CNDP1: variants seen among roughly 807,000 people sequenced by gnomAD.
The protein encoded by CNDP1 is carnosine dipeptidase 1.
Under a neutral mutation model 58.1 loss-of-function variants are expected in CNDP1, and 44 were observed. That is an observed-to-expected ratio of 0.76 (90% CI 0.60 to 0.97). The LOEUF (loss-of-function observed/expected upper bound fraction) is 0.97, where lower values mean the gene tolerates loss of function less well. CNDP1 is among the 50% of genes least tolerant of loss of function. The pLI is 0.00. For missense variants in CNDP1, 616 were observed against 655.1 expected, an observed-to-expected ratio of 0.94 and a Z score of 0.65; for synonymous variants, 254 against 252.6, an observed-to-expected ratio of 1.01 and a Z score of -0.05.
Position 74,534,647 on chromosome 18 carries a change from A to G in CNDP1, c.-21A>G. The G allele has an allele frequency of 6.2e-7, 1 of 1,614,124 alleles. No homozygotes were observed. The highest frequency in any genetic ancestry group is 8.5e-7 in the Non-Finnish European group (1 of 1,179,980). On this transcript the variant is annotated 5_prime_UTR_variant, in exon 1 of 12. Coordinates refer to ENST00000358821, the MANE Select transcript of CNDP1 (RefSeq NM_032649.6). ...TTTTGGAGGTTGGGAAAGTTGCTAG[A>G]GGCTTCAGAACTCCAGCCTAATGGA...
chr18:74,570,647 C>T (rs558599533), intron 6 of CNDP1, among the ~76,000 whole-genome samples: 1 of 152,138 alleles, frequency 6.6e-6, no homozygotes, highest in Non-Finnish European at 1.5e-5. Context: ...GTCAAGGGTG[C>T]CATATACATA....
At chr18:74,542,164 A>T (rs906888183) in intron 1 of CNDP1, among the ~76,000 whole-genome samples, 1 of 152,172 alleles carries the variant, frequency 6.6e-6, no homozygotes, top group Non-Finnish European at 1.5e-5. Flanking sequence ...TGCAGGCCAG[A>T]GGTGTGCGCA....
At chr18:74,556,743 C>T (rs1030584630) in intron 2 of CNDP1, among the ~76,000 whole-genome samples, 1 of 152,194 alleles carries the variant, frequency 6.6e-6, no homozygotes, top group Admixed American at 6.5e-5. Context: ...CTCCGCTGAG[C>T]TCAAGTCTGC....
chr18:74,551,186 G>A (rs1980896793), intron 1 of CNDP1, among the ~76,000 whole-genome samples: 1 of 152,022 alleles, frequency 6.6e-6, no homozygotes, highest in Non-Finnish European at 1.5e-5. Context: ...AAAGTTCCTT[G>A]AGACCTCCTC....
At chr18:74,562,998 C>T (rs1209301118) in intron 5 of CNDP1, among the ~76,000 whole-genome samples, 1 of 152,186 alleles carries the variant, frequency 6.6e-6, no homozygotes, top group Non-Finnish European at 1.5e-5. Context: ...GTCCTGGACG[C>T]CGCCTCAGCC....
intron 3 of CNDP1, among the ~76,000 whole-genome samples, chr18:74,559,878 T>C (rs955952484): frequency 7.9e-5 from 12 of 152,170 alleles, no homozygotes; most frequent in African/African-American, 2.7e-4. Flanking sequence ...AACCATCTCT[T>C]AGAACTCTAC....
rs771558069 is a variant in CNDP1, at chr18:74,560,976, G to A, written c.424G>A (p.Asp142Asn). 1.6e-5 allele frequency: 26 copies of A among 1,614,126 alleles called. No homozygotes were observed. The highest frequency in any genetic ancestry group is 9.9e-5 in the South Asian group (9 of 91,086). ...HLDVQPADRG[D>N]GWLTDPYVLT... ...GGACGTGCAGCCTGCTGACCGGGGCGATGGGTGGCTCACGGACCCCTATGT... is the reference window on the plus strand; with the variant it reads ...GGACGTGCAGCCTGCTGACCGGGGCAATGGGTGGCTCACGGACCCCTATGT... The change falls in exon 4 of 12, where the codon GAT (aspartate) becomes AAT (asparagine). Residue 142 changes from aspartate to asparagine, a missense_variant. Coordinates refer to ENST00000358821, the MANE Select transcript of CNDP1 (RefSeq NM_032649.6).
intron 2 of CNDP1, among the ~76,000 whole-genome samples, chr18:74,557,436 G>A (rs918121503): frequency 1.3e-5 from 2 of 152,172 alleles, no homozygotes; most frequent in African/African-American, 4.8e-5. Flanking sequence ...GAGGGAGGAT[G>A]AGGAGGAATG....
At chr18:74,569,103 A>G (rs906163914) in intron 6 of CNDP1, among the ~76,000 whole-genome samples, 1 of 152,182 alleles carries the variant, frequency 6.6e-6, no homozygotes, top group Non-Finnish European at 1.5e-5. Context: ...CAACGTTACA[A>G]GAGAGGACAA....
intron 9 of CNDP1, among the ~76,000 whole-genome samples, chr18:74,578,632 AAAAC>A (rs1355919592): frequency 2.6e-5 from 4 of 152,220 alleles, no homozygotes; most frequent in African/African-American, 7.2e-5. Context: ...GTCTCTTAAA[AAAAC>A]AAACAAAAAG....
intron 1 of CNDP1, among the ~76,000 whole-genome samples, chr18:74,542,585 A>ATTTTTTTTTTTTTTTTTT (rs1192194770): frequency 6.6e-6 from 1 of 152,030 alleles, no homozygotes; most frequent in Non-Finnish European, 1.5e-5. Flanking sequence ...ATACTTCAGG[A>ATTTTTTTTTTTTTTTTTT]TTTTGTTTGT....
At chr18:74,579,632 G>A (rs1012581048) in intron 9 of CNDP1, among the ~76,000 whole-genome samples, 7 of 152,308 alleles carry the variant, frequency 4.6e-5, no homozygotes, top group South Asian at 2.1e-4. Flanking sequence ...GGGAGAGAAC[G>A]AGGCTGAAAT....
At chr18:74,544,676 G>A (rs1001972815) in intron 1 of CNDP1, among the ~76,000 whole-genome samples, 1 of 131,384 alleles carries the variant, frequency 7.6e-6, no homozygotes, top group Non-Finnish European at 1.5e-5. Context: ...CCAAGATCAT[G>A]TCACTGCACT....
At chr18:74,563,863 G>T (rs988404750) in intron 5 of CNDP1, among the ~76,000 whole-genome samples, 4 of 152,266 alleles carry the variant, frequency 2.6e-5, no homozygotes, top group South Asian at 2.1e-4. Context: ...GAGTGCTATG[G>T]GTTTGTATTT....
At chr18:74,576,728 G>A in intron 7 of CNDP1, 141 bp from the exon 8 acceptor site, 1 of 611,616 alleles carries the variant, frequency 1.6e-6, no homozygotes, top group South Asian at 3.1e-5. Flanking sequence ...TGGAGTTGCT[G>A]CCAATGGCTT....
In CNDP1 at chr18:74,567,369, G is replaced by A. The variant is rs775829747; in HGVS notation, c.692G>A (p.Trp231Ter). 5.6e-6 allele frequency: 9 copies of A among 1,614,140 alleles called. No homozygotes were observed. The highest frequency in any genetic ancestry group is 1.7e-5 in the Admixed American group (1 of 60,020). The change falls in exon 6 of 12, where the codon TGG (tryptophan) becomes TAG (stop). Residue 231 changes from tryptophan to a stop codon, truncating the protein, a stop_gained. Coordinates refer to ENST00000358821, the MANE Select transcript of CNDP1 (RefSeq NM_032649.6). LOFTEE classifies it high-confidence loss of function. ...TACATTGTAATTTCAGATAACCTGT[G>A]GATCAGCCAAAGGAAGCCAGCAATC... ...VDYIVISDNL[W>*]ISQRKPAITY...
chr18:74,558,684 G>A (rs760664599), intron 2 of CNDP1, among the ~76,000 whole-genome samples: 6 of 152,116 alleles, frequency 3.9e-5, no homozygotes, highest in East Asian at 1.9e-4. Context: ...GTGAGCCACC[G>A]CACCCGGCTG....
chr18:74,548,002 C>T (rs762711211), intron 1 of CNDP1, among the ~76,000 whole-genome samples: 1 of 152,180 alleles, frequency 6.6e-6, no homozygotes, highest in Non-Finnish European at 1.5e-5. Flanking sequence ...TTACCACCCT[C>T]AGCTGGGCAA....
chr18:74,572,650 T>G (rs917241673), intron 7 of CNDP1, among the ~76,000 whole-genome samples: 1 of 151,744 alleles, frequency 6.6e-6, no homozygotes, highest in African/African-American at 2.4e-5. Context: ...TAGCCAGGCA[T>G]GATGGTGTAG....
Sources: allele counts gnomAD v4.1 joint callset (sites outside exome capture counted in the v4.1 genomes callset), GRCh38; gene constraint gnomAD v4.1.1; transcripts MANE v1.5; gene names NCBI Gene and HGNC (gene_info 2026-07-23, HGNC 2026-07-21).